SCARA5: variants seen among roughly 807,000 people sequenced by gnomAD.
SCARA5 encodes the protein scavenger receptor class A member 5, also known as scavenger receptor class A, member 5 (putative).
A neutral mutation model predicts 46.3 loss-of-function variants in SCARA5; 45 were observed. The observed-to-expected ratio is 0.97, with a 90% CI of 0.76 to 1.24. The LOEUF is 1.24. SCARA5 is among the 50% of genes most tolerant of loss of function. The probability of loss-of-function intolerance (pLI) is 0.00; values close to 1 mark genes in which losing one functional copy is unlikely to be tolerated. For missense variants in SCARA5, 680 were observed against 689.0 expected, an observed-to-expected ratio of 0.99 and a Z score of 0.15; for synonymous variants, 333 against 306.5, an observed-to-expected ratio of 1.09 and a Z score of -0.90.
chr8:27,904,773 C>T lies in SCARA5; in HGVS notation c.1153+5G>A. The T allele has an allele frequency of 6.2e-7, 1 of 1,613,670 alleles. No homozygotes were observed. Among genetic ancestry groups the T allele is most frequent in the East Asian group, 2.2e-5 (1 of 44,894 alleles). Reference sequence around the variant, plus strand: ...TATCCCACGGCCCCAGCAGAATGTCCTTACTGGCATCCCCAGCTCTGTCTC... The same window carrying T: ...TATCCCACGGCCCCAGCAGAATGTCTTTACTGGCATCCCCAGCTCTGTCTC... On this transcript the variant is annotated splice_donor_5th_base_variant and intron_variant, in intron 7 of 8. Transcript: ENST00000354914.
intron 1 of SCARA5, among the ~76,000 whole-genome samples, chr8:27,990,456 T>A (rs931574290): frequency 2.0e-5 from 3 of 152,084 alleles, no homozygotes; most frequent in African/African-American, 7.2e-5. Flanking sequence ...CAAGTGCTCC[T>A]CCCAGGAGCA....
chr8:27,915,678 G>A (rs1011958740), intron 4 of SCARA5, among the ~76,000 whole-genome samples: 12 of 152,160 alleles, frequency 7.9e-5, no homozygotes, highest in African/African-American at 2.7e-4. Context: ...TCTGCTTTGC[G>A]AACTTGTTTT....
At chr8:27,883,980 G>A (rs1806851972) in intron 7 of SCARA5, among the ~76,000 whole-genome samples, 1 of 152,088 alleles carries the variant, frequency 6.6e-6, no homozygotes, top group African/African-American at 2.4e-5. Context: ...CGAAGGAGAT[G>A]GCAGAATTGA....
rs1335622816 is a variant in SCARA5, at chr8:27,871,457, T to C, written c.*477A>G. ...AGAGTAAAGGGGGGAAATTCATCAC[T>C]TGACGTTGCCTCTTGCTGGGGAGGA... On this transcript the variant is annotated 3_prime_UTR_variant, in exon 9 of 9. Coordinates refer to ENST00000354914, the MANE Select transcript of SCARA5 (RefSeq NM_173833.6). 1.0e-6 allele frequency: 1 copy of C among 989,332 alleles called. No individual in the cohort carries two copies. Among genetic ancestry groups the C allele is most frequent in the African/African-American group, 1.7e-5 (1 of 57,398 alleles). 61.3% of individuals were successfully genotyped at this position (989,332 alleles called of 1,614,324 possible).
intron 7 of SCARA5, among the ~76,000 whole-genome samples, chr8:27,902,704 C>T (rs1429465219): frequency 6.6e-6 from 1 of 152,156 alleles, no homozygotes; most frequent in Non-Finnish European, 1.5e-5. Flanking sequence ...TGGCAGCATT[C>T]TGTCAGAAAC....
chr8:27,963,660 G>A (rs144121198), intron 3 of SCARA5, among the ~76,000 whole-genome samples: 46 of 152,272 alleles, frequency 3.0e-4, no homozygotes, highest in Admixed American at 9.8e-4. Context: ...ATGCATAAAC[G>A]TGAGGTACAT....
At chr8:27,897,262 G>A (rs768674861) in intron 7 of SCARA5, among the ~76,000 whole-genome samples, 5 of 152,130 alleles carry the variant, frequency 3.3e-5, no homozygotes, top group Non-Finnish European at 5.9e-5. Flanking sequence ...TGACATCAAA[G>A]GCTCCCGGGG....
In SCARA5 at chr8:27,905,533, A is replaced by T. The variant is rs1176654678; in HGVS notation, c.1097-699T>A. Among the ~76,000 whole-genome samples, 2 of 10,870 alleles carry T rather than the reference A, an allele frequency of 1.8e-4. 1 individual carries two copies. Among genetic ancestry groups the T allele is most frequent in the African/African-American group, 3.0e-4 (2 of 6,746 alleles). The allele number at this position is 10,870 out of a possible 152,430, so 7.1% of individuals were successfully genotyped here. Reference sequence around the variant, plus strand: ...GGATGATCCAAGATTTGGGGGGGGGAAAAAAAAAAGGCAGCCATATACATA... The same window carrying T: ...GGATGATCCAAGATTTGGGGGGGGGTAAAAAAAAAGGCAGCCATATACATA... On this transcript the variant is annotated intron_variant, in intron 6 of 8. Coordinates refer to ENST00000354914, the MANE Select transcript of SCARA5 (RefSeq NM_173833.6).
intron 3 of SCARA5, among the ~76,000 whole-genome samples, chr8:27,922,469 A>G (rs1398326757): frequency 6.6e-6 from 1 of 152,156 alleles, no homozygotes; most frequent in Non-Finnish European, 1.5e-5. Context: ...TAGGTGTCTC[A>G]CCTGCAGAAA....
chr8:27,984,205 A>T (rs2129980140), intron 2 of SCARA5, among the ~76,000 whole-genome samples: 1 of 152,272 alleles, frequency 6.6e-6, no homozygotes, highest in South Asian at 2.1e-4. Context: ...TTTCTAAAAC[A>T]GATCAAATCT....
intron 3 of SCARA5, among the ~76,000 whole-genome samples, chr8:27,940,000 A>G (rs1011827771): frequency 6.6e-6 from 1 of 152,186 alleles, no homozygotes; most frequent in Admixed American, 6.5e-5. Flanking sequence ...CCACAGTCCC[A>G]TGAGGCTGTA....
chr8:27,939,212 T>G (rs1807904677), intron 3 of SCARA5, among the ~76,000 whole-genome samples: 1 of 152,210 alleles, frequency 6.6e-6, no homozygotes, highest in Admixed American at 6.5e-5. Context: ...TGACAGGGAC[T>G]TTTTGCACTC....
At chr8:27,875,436 A>G (rs1002695112) in intron 8 of SCARA5, among the ~76,000 whole-genome samples, 3 of 152,114 alleles carry the variant, frequency 2.0e-5, no homozygotes, top group African/African-American at 2.4e-5. Context: ...GGTTATTTCC[A>G]TCTTAGGGGT....
At chr8:27,886,073 G>A (rs956868210) in intron 7 of SCARA5, 3 of 154,578 alleles carry the variant, frequency 1.9e-5, no homozygotes, top group Non-Finnish European at 2.9e-5. Context: ...GGACCACATT[G>A]ATCTCAGGAA....
chr8:27,973,048 G>A (rs1447235382), intron 2 of SCARA5, among the ~76,000 whole-genome samples: 1 of 152,192 alleles, frequency 6.6e-6, no homozygotes, highest in Non-Finnish European at 1.5e-5. Flanking sequence ...GTCAGCCAGT[G>A]AACAGCAAAG....
rs536681997 is a variant in SCARA5, at chr8:27,948,495, G to GCCGTTCCA, written c.241+17911_241+17918dup. 4.7e-3 allele frequency among the ~76,000 whole-genome samples: 714 copies of GCCGTTCCA among 152,354 alleles called. 5 individuals are homozygous for GCCGTTCCA. The highest frequency in any genetic ancestry group is 0.016 in the African/African-American group (669 of 41,580). ...CAAAGGCGGCAGGGCCTGGGGCTGG[G>GCCGTTCCA]CCGTTCCACCGGCAGGTCAGGACCG... is the stretch of plus-strand genomic sequence containing the variant. On this transcript the variant is annotated intron_variant, in intron 3 of 8. Transcript: ENST00000354914.
chr8:27,922,521 T>C (rs890000024), intron 3 of SCARA5, among the ~76,000 whole-genome samples: 9 of 152,176 alleles, frequency 5.9e-5, no homozygotes, highest in Admixed American at 1.3e-4. Flanking sequence ...GGCTTTGGAA[T>C]TTTTAGAAGA....
chr8:27,932,716 C>A (rs1807796033), intron 3 of SCARA5, among the ~76,000 whole-genome samples: 1 of 152,248 alleles, frequency 6.6e-6, no homozygotes, highest in African/African-American at 2.4e-5. Context: ...GCAACCTCCG[C>A]CTCCTGGGTT....
chr8:27,931,556 C>G (rs971001367), intron 3 of SCARA5, among the ~76,000 whole-genome samples: 2 of 152,178 alleles, frequency 1.3e-5, no homozygotes, highest in Non-Finnish European at 2.9e-5. Context: ...GACTCTGACT[C>G]ATGAGTGTCC....
Sources: gnomAD v4.1 joint callset for allele counts (sites outside exome capture counted in the v4.1 genomes callset) on GRCh38, gnomAD v4.1.1 for gene constraint, MANE v1.5 for transcripts, NCBI Gene and HGNC (gene_info 2026-07-23, HGNC 2026-07-21) for gene names.